XPO4: variants seen among roughly 807,000 people sequenced by gnomAD.
XPO4 encodes exportin 4.
In XPO4, 39 loss-of-function variants were observed where a neutral mutation model predicts 143.0. The ratio of observed to expected loss-of-function variants is 0.27; its 90% confidence interval spans 0.21 to 0.36. XPO4 has a LOEUF of 0.36. XPO4 is among the 10% of genes least tolerant of loss of function. The pLI, the probability that XPO4 is intolerant of heterozygous loss-of-function variation, is 1.00. For synonymous variants in XPO4, 439 were observed against 474.0 expected (o/e 0.93, Z 0.96); for missense variants, 907 against 1,348.0 (o/e 0.67, Z 5.12).
intron 3 of XPO4, chr13:20,856,835 C>T (rs1454635480): frequency 2.5e-5 from 25 of 985,196 alleles, no homozygotes; most frequent in Non-Finnish European, 3.0e-5. Flanking sequence ...TTCCCTCTCC[C>T]AAGATTATGA....
intron 18 of XPO4, among the ~76,000 whole-genome samples, chr13:20,792,678 G>A (rs1005682071): frequency 7.4e-6 from 1 of 135,504 alleles, no homozygotes; most frequent in Non-Finnish European, 1.5e-5. Flanking sequence ...CCAAGGTCGC[G>A]CCATTGCACT....
chr13:20,855,177 C>G (rs138665856), intron 4 of XPO4, among the ~76,000 whole-genome samples: 18 of 152,126 alleles, frequency 1.2e-4, no homozygotes, highest in Middle Eastern at 3.4e-3. Context: ...AAGACTAGGC[C>G]AGGCGCAGTG....
intron 20 of XPO4, among the ~76,000 whole-genome samples, chr13:20,788,107 G>C (rs1031878331): frequency 2.7e-5 from 4 of 150,298 alleles, no homozygotes; most frequent in African/African-American, 9.8e-5. Context: ...CCAGGCTGGA[G>C]TGCAATGGCG....
rs2059115149 is a variant in XPO4, at chr13:20,779,381, G to A, written c.*4341C>T. On this transcript the variant is annotated 3_prime_UTR_variant, in exon 23 of 23. Coordinates refer to ENST00000255305, the MANE Select transcript of XPO4 (RefSeq NM_022459.5). Reference sequence around the variant, plus strand: ...TCCCTAGTAGGTACATAGTGCAGATGCAGTATATAATTTCAGGCTAGGAAA... The same window carrying A: ...TCCCTAGTAGGTACATAGTGCAGATACAGTATATAATTTCAGGCTAGGAAA... 1 of 152,592 alleles carries A rather than the reference G, an allele frequency of 6.6e-6. No individual in the cohort carries two copies. The highest frequency in any genetic ancestry group is 1.5e-5 in the Non-Finnish European group (1 of 68,038). 9.5% of individuals were successfully genotyped at this position (152,592 alleles called of 1,614,324 possible). A position where few individuals can be genotyped will look rare whatever the true frequency, so the allele number is the denominator to read the frequency against.
Position 20,804,122 on chromosome 13 carries a change from A to G in XPO4, c.1818-3132T>C, listed in dbSNP as rs552026082. On this transcript the variant is annotated intron_variant, in intron 13 of 22. Transcript: ENST00000255305. ...TCCCCATCTTTTTTATCATATATAT[A>G]CACTATATATACATACACTATATAT... Among the ~76,000 whole-genome samples, 499 of 147,550 alleles carry G rather than the reference A, an allele frequency of 3.4e-3. 4 individuals carry two copies. Among genetic ancestry groups the G allele is most frequent in the African/African-American group, 0.012 (480 of 39,914 alleles).
chr13:20,840,332 C>T (rs536807091), intron 6 of XPO4, among the ~76,000 whole-genome samples: 1 of 152,064 alleles, frequency 6.6e-6, no homozygotes, highest in Non-Finnish European at 1.5e-5. Context: ...CTCAGCCTCC[C>T]GAACAGCTGG....
intron 1 of XPO4, among the ~76,000 whole-genome samples, chr13:20,886,010 A>T (rs958517639): frequency 2.0e-5 from 3 of 152,230 alleles, no homozygotes; most frequent in South Asian, 2.1e-4. Flanking sequence ...CAAATACACT[A>T]GAGTGGAAGA....
intron 22 of XPO4, among the ~76,000 whole-genome samples, chr13:20,786,611 C>A (rs1373843803): frequency 6.6e-6 from 1 of 152,098 alleles, no homozygotes; most frequent in Admixed American, 6.5e-5. Context: ...TCCTTGTCTG[C>A]CATCCTGTCT....
At chr13:20,852,378 T>G in intron 4 of XPO4, 1 of 985,424 alleles carries the variant, frequency 1.0e-6, no homozygotes, top group Non-Finnish European at 1.2e-6. Context: ...TTGCAAACCT[T>G]TTCTCTGCTA....
At chr13:20,901,596 T>G (rs911838448) in intron 1 of XPO4, among the ~76,000 whole-genome samples, 1 of 152,240 alleles carries the variant, frequency 6.6e-6, no homozygotes, top group Non-Finnish European at 1.5e-5. Flanking sequence ...AAGTAAATCC[T>G]GCTTTTATTA....
intron 6 of XPO4, among the ~76,000 whole-genome samples, chr13:20,834,683 G>A (rs554423212): frequency 3.3e-5 from 5 of 151,828 alleles, no homozygotes; most frequent in African/African-American, 1.2e-4. Flanking sequence ...TCCAGGCCAA[G>A]CCCAGTGGCT....
At chr13:20,866,241 C>CCACA in intron 2 of XPO4, 5 of 948,488 alleles carry the variant, frequency 5.3e-6, no homozygotes, top group South Asian at 4.8e-5. Flanking sequence ...CACAGATACA[C>CCACA]CACACACACA....
chr13:20,818,907 G>C (rs768672268), intron 9 of XPO4, among the ~76,000 whole-genome samples: 1 of 150,184 alleles, frequency 6.7e-6, no homozygotes, highest in African/African-American at 2.4e-5. Context: ...TGCAACCTCC[G>C]CCTCTCGGGT....
At chr13:20,793,386 A>C (rs1313082833) in intron 18 of XPO4, among the ~76,000 whole-genome samples, 2 of 152,036 alleles carry the variant, frequency 1.3e-5, no homozygotes, top group Non-Finnish European at 2.9e-5. Flanking sequence ...TTATGACTTT[A>C]ATCTTTTCGC....
chr13:20,788,083 T>C lies in XPO4; in HGVS notation c.3047+403A>G, dbSNP rs539963658. On this transcript the variant is annotated intron_variant, in intron 20 of 22. Coordinates refer to ENST00000255305, the MANE Select transcript of XPO4 (RefSeq NM_022459.5). Reference sequence around the variant, plus strand: ...TTTTTTTTTTTTTTTGAGATGGAGTTTCACTCTTGTTGCCCAGGCTGGAGT... The same window carrying C: ...TTTTTTTTTTTTTTTGAGATGGAGTCTCACTCTTGTTGCCCAGGCTGGAGT... Among the ~76,000 whole-genome samples the C allele has an allele frequency of 2.3e-4, 34 of 151,038 alleles. No homozygotes were observed. The South Asian group carries it at 5.5e-3, about 24-fold the overall frequency.
rs568311480 is a variant in XPO4 at position 20,880,478 on chromosome 13, T to C, written c.70-11777A>G. Reference sequence around the variant, plus strand: ...AAAAAGGAACAGCCACTAGGGAAGATAGTATGGCAGTTCCTCAAAAAATCA... The same window carrying C: ...AAAAAGGAACAGCCACTAGGGAAGACAGTATGGCAGTTCCTCAAAAAATCA... On this transcript the variant is annotated intron_variant, in intron 1 of 22. Coordinates refer to ENST00000255305, the MANE Select transcript of XPO4 (RefSeq NM_022459.5). Among the ~76,000 whole-genome samples, 255 of 151,402 alleles carry C rather than the reference T, an allele frequency of 1.7e-3. 6 individuals are homozygous for C. Among genetic ancestry groups the C allele is most frequent in the Middle Eastern group, 3.5e-3 (1 of 288 alleles).
rs1016217795 is a variant in XPO4, at chr13:20,781,703, G to A, written c.*2019C>T. ...AACTTGATTATAGTTTTGTCATGGC[G>A]CGTGGACCTGTCCAGTCAATTGTGT... On this transcript the variant is annotated 3_prime_UTR_variant, in exon 23 of 23. Coordinates refer to ENST00000255305, the MANE Select transcript of XPO4 (RefSeq NM_022459.5). 11 of 151,912 alleles carry A rather than the reference G, an allele frequency of 7.2e-5. No individual in the cohort carries two copies. Among genetic ancestry groups the A allele is most frequent in the East Asian group, 3.8e-4 (2 of 5,200 alleles). 9.4% of individuals were successfully genotyped at this position (151,912 alleles called of 1,614,324 possible).
chr13:20,849,289 T>C lies in XPO4; in HGVS notation c.457-5403A>G, dbSNP rs911229370. ...TTATGATAAGAGAGATTAACTTGGCTATCACATCCAGGGGCTGCCGTAGAC... is the reference window on the plus strand; with the variant it reads ...TTATGATAAGAGAGATTAACTTGGCCATCACATCCAGGGGCTGCCGTAGAC... On this transcript the variant is annotated intron_variant, in intron 4 of 22. Transcript: ENST00000255305. 29 of 985,340 alleles carry C rather than the reference T, an allele frequency of 2.9e-5. No homozygotes were observed. The African/African-American group carries it at 4.2e-4, about 14-fold the overall frequency. 61.0% of individuals were successfully genotyped at this position (985,340 alleles called of 1,614,324 possible).
intron 9 of XPO4, among the ~76,000 whole-genome samples, chr13:20,818,817 C>T (rs1041381927): frequency 6.6e-6 from 1 of 151,854 alleles, no homozygotes; most frequent in Non-Finnish European, 1.5e-5. Context: ...TCCCCCTCCC[C>T]CTCCCCTTTG....
Sources: gnomAD v4.1 joint callset for allele counts (sites outside exome capture counted in the v4.1 genomes callset) on GRCh38, gnomAD v4.1.1 for gene constraint, MANE v1.5 for transcripts, NCBI Gene and HGNC (gene_info 2026-07-23, HGNC 2026-07-21) for gene names.